The following TGFBR2 variants were observed in gnomAD, a reference collection of about 807,000 sequenced individuals.
TGFBR2 encodes the protein TGF-beta receptor type-2.
A neutral mutation model predicts 49.0 loss-of-function variants in TGFBR2; 18 were observed. The observed-to-expected ratio is 0.37, with a 90% CI of 0.25 to 0.54. The LOEUF is 0.54. Ranked by LOEUF, TGFBR2 falls within the 20% of genes least tolerant of loss-of-function variation. The pLI is 0.85. For synonymous variants in TGFBR2, 282 were observed against 275.9 expected, an observed-to-expected ratio of 1.02 and a Z score of -0.22; for missense variants, 525 against 722.6, an observed-to-expected ratio of 0.73 and a Z score of 3.13.
chr3:30,644,393 G>C (rs1474429804), intron 1 of TGFBR2, among the ~76,000 whole-genome samples: 1 of 152,064 alleles, frequency 6.6e-6, no homozygotes, highest in Non-Finnish European at 1.5e-5. Flanking sequence ...ATTTCCTTAA[G>C]GGTACTTTTA....
Position 30,672,119 on chromosome 3 carries a change from G to T in TGFBR2, c.936G>T (p.Glu312Asp). ...TACTCCAGTTCCTGACGGCTGAGGA[G>T]CGGAAGACGGAGTTGGGGAAACAAT... Reference protein sequence around the residue: ...ENILQFLTAEERKTELGKQYW... With the variant: ...ENILQFLTAEDRKTELGKQYW... Residue 312 changes from glutamate to aspartate, a missense_variant, in exon 4 of 7, where the codon GAG becomes GAT. This residue lies in a region of TGFBR2 where 376 missense variants were observed against 478.2 expected (regional missense o/e 0.79). Transcript: ENST00000295754. This position sits in a 1 kb window ranked among gnomAD's most constrained non-coding sequence, Gnocchi z 4.5. The T allele has an allele frequency of 1.2e-6, 2 of 1,614,206 alleles. No individual in the cohort carries two copies. Among genetic ancestry groups the T allele is most frequent in the Non-Finnish European group, 1.7e-6 (2 of 1,180,036 alleles).
chr3:30,684,563 G>A (rs1699593487), intron 5 of TGFBR2, among the ~76,000 whole-genome samples: 1 of 152,158 alleles, frequency 6.6e-6, no homozygotes, highest in Admixed American at 6.5e-5. Flanking sequence ...TCTATTTTAA[G>A]CTTAGGAGGA....
At chr3:30,687,765 G>A (rs987766866) in intron 5 of TGFBR2, among the ~76,000 whole-genome samples, 1 of 152,002 alleles carries the variant, frequency 6.6e-6, no homozygotes, top group Admixed American at 6.6e-5. Flanking sequence ...TTGCCCCCTG[G>A]ACAACCACCA....
chr3:30,638,064 T>C (rs1003187137), intron 1 of TGFBR2, among the ~76,000 whole-genome samples: 6 of 152,266 alleles, frequency 3.9e-5, no homozygotes, highest in African/African-American at 1.4e-4. Flanking sequence ...AATCTGCATT[T>C]CACTTGTTAG....
intron 1 of TGFBR2, among the ~76,000 whole-genome samples, chr3:30,634,554 T>G (rs978323896): frequency 6.6e-6 from 1 of 152,226 alleles, no homozygotes; most frequent in Non-Finnish European, 1.5e-5. Context: ...TCGTTTAGGT[T>G]GACTAATTTT....
chr3:30,651,620 T>C (rs1237770639), intron 3 of TGFBR2, among the ~76,000 whole-genome samples: 1 of 152,250 alleles, frequency 6.6e-6, no homozygotes, highest in African/African-American at 2.4e-5. Context: ...TGTTGATGGA[T>C]TGTCTTCAGT....
At chr3:30,612,005 G>T (rs1016351304) in intron 1 of TGFBR2, among the ~76,000 whole-genome samples, 3 of 152,150 alleles carry the variant, frequency 2.0e-5, no homozygotes, top group Non-Finnish European at 2.9e-5. Flanking sequence ...CGCTTCTTTT[G>T]CACTCTCTAC....
chr3:30,638,898 G>A (rs1363348000), intron 1 of TGFBR2, among the ~76,000 whole-genome samples: 1 of 152,180 alleles, frequency 6.6e-6, no homozygotes, highest in Non-Finnish European at 1.5e-5. Flanking sequence ...GGCCACAGCG[G>A]CTTTCTGCCA....
chr3:30,619,090 C>T (rs1467013288), intron 1 of TGFBR2, among the ~76,000 whole-genome samples: 1 of 152,004 alleles, frequency 6.6e-6, no homozygotes, highest in African/African-American at 2.4e-5. Context: ...CTGAACTATA[C>T]TTGGCAAGAA....
chr3:30,645,804 C>A (rs527905564), intron 2 of TGFBR2, among the ~76,000 whole-genome samples: 2 of 149,600 alleles, frequency 1.3e-5, no homozygotes, highest in Non-Finnish European at 3.0e-5. Context: ...ATATTTTTAT[C>A]GGATCACATT....
At chr3:30,647,160 G>C (rs950281662) in intron 2 of TGFBR2, among the ~76,000 whole-genome samples, 2 of 152,184 alleles carry the variant, frequency 1.3e-5, no homozygotes, top group Non-Finnish European at 2.9e-5. Flanking sequence ...TCCCTCCAGT[G>C]ATGGGAGCTG....
intron 2 of TGFBR2, among the ~76,000 whole-genome samples, chr3:30,646,620 C>T (rs1445095183): frequency 6.6e-6 from 1 of 152,116 alleles, no homozygotes; most frequent in African/African-American, 2.4e-5. Flanking sequence ...CATGGTTTCC[C>T]AACAGCAGAA....
intron 3 of TGFBR2, among the ~76,000 whole-genome samples, chr3:30,655,941 A>G (rs1698988253): frequency 6.6e-6 from 1 of 152,214 alleles, no homozygotes; most frequent in South Asian, 2.1e-4. Flanking sequence ...GGAGCTTATT[A>G]GAACTGCACA....
At chr3:30,623,712 G>T (rs1042583133) in intron 1 of TGFBR2, among the ~76,000 whole-genome samples, 12 of 152,194 alleles carry the variant, frequency 7.9e-5, no homozygotes, top group Non-Finnish European at 1.3e-4. Context: ...AGAACTTCAA[G>T]TTGCTTAACC....
At chr3:30,661,884 G>A (rs764473528) in intron 3 of TGFBR2, among the ~76,000 whole-genome samples, 12 of 152,172 alleles carry the variant, frequency 7.9e-5, no homozygotes, top group Non-Finnish European at 1.6e-4. Flanking sequence ...TAGAAAAAAG[G>A]TCCTGGCATT....
chr3:30,623,862 T>C (rs1441190382), intron 1 of TGFBR2, among the ~76,000 whole-genome samples: 2 of 152,134 alleles, frequency 1.3e-5, no homozygotes, highest in Non-Finnish European at 2.9e-5. Context: ...AGAGAAGAGG[T>C]TGGGCGCTGT....
intron 5 of TGFBR2, among the ~76,000 whole-genome samples, chr3:30,684,904 T>A (rs1449152593): frequency 6.6e-6 from 1 of 152,230 alleles, no homozygotes; most frequent in Non-Finnish European, 1.5e-5. Context: ...CTTGCTTTGA[T>A]CCACAGAGTA....
chr3:30,631,340 G>T, intron 1 of TGFBR2, among the ~76,000 whole-genome samples: 1 of 151,956 alleles, frequency 6.6e-6, no homozygotes, highest in East Asian at 1.9e-4. Context: ...GTGCCAGGCC[G>T]GGAGTAGATA....
chr3:30,650,749 T>C (rs896243561), intron 3 of TGFBR2, among the ~76,000 whole-genome samples: 1 of 152,322 alleles, frequency 6.6e-6, no homozygotes, highest in East Asian at 1.9e-4. Flanking sequence ...AGCATCAGTA[T>C]CACCTGGGAA....
Sources: gnomAD v4.1 joint callset for allele counts (sites outside exome capture counted in the v4.1 genomes callset) on GRCh38, gnomAD v4.1.1 for gene constraint, gnomAD v4.1.1 regional missense constraint, Gnocchi (gnomAD v3.1) non-coding constraint, MANE v1.5 for transcripts, NCBI Gene and HGNC (gene_info 2026-07-23, HGNC 2026-07-21) for gene names.